Variants in DAB1 observed in about 807,000 individuals in gnomAD.
The protein encoded by DAB1 is DAB adaptor protein 1, also known as disabled homolog 1.
Under a neutral mutation model 64.6 loss-of-function variants are expected in DAB1, and 15 were observed. The ratio of observed to expected loss-of-function variants is 0.23; its 90% CI spans 0.16 to 0.36. The LOEUF (loss-of-function observed/expected upper bound fraction) is 0.36, where lower values mean the gene tolerates loss of function less well. Among genes scored for constraint, DAB1 ranks in the 10% least tolerant of loss-of-function variants. The pLI is 1.00. For missense variants in DAB1, 596 were observed against 706.7 expected, an observed-to-expected ratio of 0.84 and a Z score of 1.78; for synonymous variants, 235 against 251.9, an observed-to-expected ratio of 0.93 and a Z score of 0.64.
chr1:57,554,520 G>T (rs1644964639), intron 7 of DAB1, among the ~76,000 whole-genome samples: 2 of 152,178 alleles, frequency 1.3e-5, no homozygotes, highest in African/African-American at 4.8e-5. Flanking sequence ...TTTCAACTAT[G>T]GTTTCGATAA....
At chr1:58,049,471 G>T in intron 5 of DAB1, 1 of 242,966 alleles carries the variant, frequency 4.1e-6, no homozygotes, top group Non-Finnish European at 8.0e-6. Flanking sequence ...CTGCATCATT[G>T]CAGAAGGAAT....
chr1:58,511,010 T>C (rs1038372233), intron 2 of DAB1, among the ~76,000 whole-genome samples: 3 of 152,188 alleles, frequency 2.0e-5, no homozygotes, highest in African/African-American at 7.2e-5. Context: ...CCCATGTTCA[T>C]GGATTGTAAG....
intron 5 of DAB1, among the ~76,000 whole-genome samples, chr1:58,128,295 T>C (rs1235218138): frequency 1.3e-5 from 2 of 150,626 alleles, no homozygotes; most frequent in Admixed American, 6.6e-5. Context: ...CCTGTGATTT[T>C]TGTACATTGA....
At chr1:57,212,359 C>CTTTTTT (rs57653531) in intron 2 of DAB1, among the ~76,000 whole-genome samples, 1 of 82,176 alleles carries the variant, frequency 1.2e-5, no homozygotes, top group East Asian at 3.4e-4. Context: ...ATATTATTTC[C>CTTTTTT]TTTTTTTTTT....
chr1:57,966,468 T>C (rs752332832), intron 5 of DAB1, among the ~76,000 whole-genome samples: 3 of 152,092 alleles, frequency 2.0e-5, no homozygotes, highest in Non-Finnish European at 2.9e-5. Flanking sequence ...CACCCACCAC[T>C]AGACATGTGA....
rs1039448239 is a variant in DAB1, at chr1:58,404,237, A to C, written n.258-60834T>G. ...AGTTCCTCCAAGCCCTGTGAGTCTAAGAGTCTAAGAGCCTCTTAGGTACAC... is the reference window on the plus strand; with the variant it reads ...AGTTCCTCCAAGCCCTGTGAGTCTACGAGTCTAAGAGCCTCTTAGGTACAC... On this transcript the variant is annotated intron_variant and non_coding_transcript_variant, in intron 3 of 20. Transcript: ENST00000485760. 5.9e-5 allele frequency among the ~76,000 whole-genome samples: 9 copies of C among 152,332 alleles called. No individual in the cohort carries two copies. In the East Asian group the frequency reaches 1.4e-3, roughly 23 times the overall value.
At chr1:57,080,063 T>C (rs1652349752) in intron 4 of DAB1, among the ~76,000 whole-genome samples, 2 of 152,222 alleles carry the variant, frequency 1.3e-5, no homozygotes, top group South Asian at 4.1e-4. Context: ...TATAGTAAAA[T>C]ATACATAACA....
At chr1:57,182,705 C>A (rs1161008067) in intron 2 of DAB1, among the ~76,000 whole-genome samples, 1 of 152,086 alleles carries the variant, frequency 6.6e-6, no homozygotes, top group East Asian at 1.9e-4. Flanking sequence ...GAAAGGTGTT[C>A]TGGAGGCAGG....
intron 4 of DAB1, among the ~76,000 whole-genome samples, chr1:57,080,753 C>G (rs1652430202): frequency 7.2e-6 from 1 of 139,520 alleles, no homozygotes; most frequent in Non-Finnish European, 1.5e-5. Context: ...CACACACACA[C>G]ACGCACACAC....
At chr1:57,502,264 G>C (rs991828505) in intron 7 of DAB1, among the ~76,000 whole-genome samples, 4 of 143,486 alleles carry the variant, frequency 2.8e-5, no homozygotes, top group African/African-American at 1.0e-4. Context: ...AGCTTGTAGT[G>C]AGCCGAGATT....
chr1:57,847,020 A>G (rs852794), intron 1 of DAB1, among the ~76,000 whole-genome samples: 149,398 of 152,322 alleles, frequency 0.98, 73,286 homozygotes, highest in East Asian at 1. Flanking sequence ...AGATAAGCAG[A>G]CTGGGACCCA....
chr1:57,011,211 A>C lies in DAB1; in HGVS notation c.1506T>G (p.Asp502Glu), dbSNP rs1482107675. ...CTTCAAAGATGTCATCTGTGGTAGG[A>C]TCACTGGCATGGGATGCAGATGATT... ...PSKSSASHAS[D>E]PTTDDIFEEG... is the part of the protein sequence containing the mutation. Residue 502 changes from aspartate to glutamate, a missense_variant, in exon 13 of 15, where the codon GAT becomes GAG. This residue lies in a region of DAB1 where 377 missense variants were observed against 400.4 expected (regional missense o/e 0.94). Transcript: ENST00000371236. 1.2e-6 allele frequency: 2 copies of C among 1,613,918 alleles called. No individual in the cohort carries two copies. Among genetic ancestry groups the C allele is most frequent in the African/African-American group, 2.7e-5 (2 of 74,910 alleles).
chr1:58,172,109 A>G (rs1044182058), intron 4 of DAB1, among the ~76,000 whole-genome samples: 2 of 152,156 alleles, frequency 1.3e-5, no homozygotes, highest in African/African-American at 4.8e-5. Flanking sequence ...GAGGGCAAAT[A>G]CTCATCTAGT....
intron 7 of DAB1, among the ~76,000 whole-genome samples, chr1:57,445,134 G>T (rs1314745493): frequency 1.3e-5 from 2 of 151,888 alleles, no homozygotes; most frequent in Non-Finnish European, 2.9e-5. Flanking sequence ...AATATTTTTA[G>T]AGTTTTATTA....
intron 4 of DAB1, among the ~76,000 whole-genome samples, chr1:58,158,250 C>T (rs1041954605): frequency 6.6e-6 from 1 of 152,114 alleles, no homozygotes; most frequent in African/African-American, 2.4e-5. Context: ...GGGGCATTTA[C>T]CCATTGTCTA....
At chr1:57,382,088 C>T (rs1363924182) in intron 1 of DAB1, among the ~76,000 whole-genome samples, 3 of 152,154 alleles carry the variant, frequency 2.0e-5, no homozygotes, top group African/African-American at 7.2e-5. Flanking sequence ...TATGATAAAG[C>T]TTTCACCCTC....
chr1:57,941,974 C>T (rs147063579), intron 5 of DAB1, among the ~76,000 whole-genome samples: 4 of 152,154 alleles, frequency 2.6e-5, no homozygotes, highest in Non-Finnish European at 4.4e-5. Context: ...GAACCTCAGA[C>T]CTCAGTTTTT....
At chr1:58,082,743 C>T (rs1436268677) in intron 5 of DAB1, among the ~76,000 whole-genome samples, 1 of 152,008 alleles carries the variant, frequency 6.6e-6, no homozygotes, top group Non-Finnish European at 1.5e-5. Flanking sequence ...GAAAACAGCG[C>T]ATCTCATGCA....
chr1:57,230,485 T>C (rs567678622), intron 2 of DAB1, among the ~76,000 whole-genome samples: 1 of 152,196 alleles, frequency 6.6e-6, no homozygotes, highest in Non-Finnish European at 1.5e-5. Flanking sequence ...TTTCTCATTT[T>C]CTATTTTGGA....
Sources: gnomAD v4.1 joint callset for allele counts (sites outside exome capture counted in the v4.1 genomes callset) on GRCh38, gnomAD v4.1.1 for gene constraint, gnomAD v4.1.1 regional missense constraint, MANE v1.5 for transcripts, NCBI Gene and HGNC (gene_info 2026-07-23, HGNC 2026-07-21) for gene names.